Variants in NAALADL2 observed in about 807,000 individuals in gnomAD.
NAALADL2 encodes inactive N-acetylated-alpha-linked acidic dipeptidase-like protein 2.
In NAALADL2, 76 loss-of-function variants were observed where a neutral mutation model predicts 87.2. That is an observed-to-expected ratio of 0.87 (90% CI 0.72 to 1.05). The LOEUF (loss-of-function observed/expected upper bound fraction) is 1.05. Ranked by LOEUF, NAALADL2 falls within the 50% of genes least tolerant of loss-of-function variation. The probability of loss-of-function intolerance (pLI) is 0.00; values close to 1 mark genes in which losing one functional copy is unlikely to be tolerated. For synonymous variants in NAALADL2, 354 were observed against 331.0 expected, an observed-to-expected ratio of 1.07 and a Z score of -0.75; for missense variants, 1,089 against 945.8, an observed-to-expected ratio of 1.15 and a Z score of -1.99.
intron 2 of NAALADL2, among the ~76,000 whole-genome samples, chr3:175,108,475 T>C (rs1208145382): frequency 6.6e-6 from 1 of 151,994 alleles, no homozygotes; most frequent in African/African-American, 2.4e-5. Flanking sequence ...AAAATGAAAC[T>C]GATCATTTTT....
chr3:174,549,887 G>A (rs1296697312), intron 1 of NAALADL2, among the ~76,000 whole-genome samples: 1 of 151,488 alleles, frequency 6.6e-6, no homozygotes, highest in Non-Finnish European at 1.5e-5. Context: ...CATAACAGTG[G>A]TTTTTTGTTT....
intron 2 of NAALADL2, among the ~76,000 whole-genome samples, chr3:174,683,184 C>T (rs759246429): frequency 1.2e-4 from 19 of 152,038 alleles, no homozygotes; most frequent in Non-Finnish European, 2.1e-4. Flanking sequence ...AGCTTGAAGA[C>T]ACGCAATTTG....
At chr3:175,757,901 T>G (rs1747472897) in intron 13 of NAALADL2, among the ~76,000 whole-genome samples, 1 of 152,072 alleles carries the variant, frequency 6.6e-6, no homozygotes, top group Admixed American at 6.5e-5. Flanking sequence ...ATTTTGTAAA[T>G]TATTCTATTT....
intron 3 of NAALADL2, among the ~76,000 whole-genome samples, chr3:174,822,746 C>T (rs1721567842): frequency 6.6e-6 from 1 of 152,134 alleles, no homozygotes; most frequent in African/African-American, 2.4e-5. Context: ...TGTACTCAGA[C>T]AGATGTTCAA....
intron 9 of NAALADL2, among the ~76,000 whole-genome samples, chr3:175,486,792 G>A (rs1233171914): frequency 6.6e-6 from 1 of 151,858 alleles, no homozygotes; most frequent in African/African-American, 2.4e-5. Context: ...CAGTTGTTTA[G>A]GACAAAGACC....
chr3:174,839,757 A>G (rs544821866), intron 3 of NAALADL2, among the ~76,000 whole-genome samples: 1 of 152,192 alleles, frequency 6.6e-6, no homozygotes. Context: ...CTCTACATAC[A>G]CTAATTATCA....
chr3:174,728,098 A>G (rs1386132260), intron 2 of NAALADL2, among the ~76,000 whole-genome samples: 1 of 152,012 alleles, frequency 6.6e-6, no homozygotes, highest in Non-Finnish European at 1.5e-5. Context: ...TGGATGTACA[A>G]CCGTTTACTT....
chr3:174,845,744 G>T (rs1376605698), intron 3 of NAALADL2, among the ~76,000 whole-genome samples: 2 of 152,136 alleles, frequency 1.3e-5, no homozygotes, highest in African/African-American at 4.8e-5. Context: ...AGATCCACCT[G>T]TTTTTCTGGG....
chr3:174,738,701 CAT>C (rs956772195), intron 3 of NAALADL2, among the ~76,000 whole-genome samples: 72 of 152,152 alleles, frequency 4.7e-4, no homozygotes, highest in Non-Finnish European at 8.4e-4. Flanking sequence ...CCACTCGACA[CAT>C]GTCTATAGAA....
At chr3:175,523,850 G>A (rs939850652) in intron 9 of NAALADL2, among the ~76,000 whole-genome samples, 12 of 152,304 alleles carry the variant, frequency 7.9e-5, no homozygotes, top group African/African-American at 2.2e-4. Flanking sequence ...TTTGCTTTAT[G>A]AGGAAGTTAA....
intron 3 of NAALADL2, among the ~76,000 whole-genome samples, chr3:175,240,457 A>G (rs1263981457): frequency 1.3e-5 from 2 of 152,208 alleles, no homozygotes; most frequent in East Asian, 1.9e-4. Flanking sequence ...ATTTTCAAAC[A>G]AAAGCAAACT....
intron 2 of NAALADL2, among the ~76,000 whole-genome samples, chr3:175,121,081 C>G (rs1434021344): frequency 6.6e-6 from 1 of 151,726 alleles, no homozygotes; most frequent in African/African-American, 2.4e-5. Flanking sequence ...TAAAAATTAA[C>G]ATCTTCTAGT....
intron 1 of NAALADL2, among the ~76,000 whole-genome samples, chr3:174,473,337 C>T (rs115980782): frequency 1.4e-3 from 220 of 152,278 alleles, no homozygotes; most frequent in African/African-American, 5.1e-3. Flanking sequence ...TTAACTACAT[C>T]AACCCTACAA....
Position 174,800,997 on chromosome 3 carries a change from C to G in NAALADL2, c.-9+63251C>G, listed in dbSNP as rs1183143305. Among the ~76,000 whole-genome samples, 4 of 152,142 alleles carry G rather than the reference C, an allele frequency of 2.6e-5. No individual in the cohort carries two copies. The South Asian group carries it at 8.3e-4, about 32-fold the overall frequency. On this transcript the variant is annotated intron_variant, in intron 3 of 3. Coordinates refer to the NAALADL2 transcript ENST00000434257. ...TACCCCCATTGGATCTAGGAAGTAA[C>G]TAACTTGCTTTTGATTTTACAGAGT...
chr3:175,499,379 T>G (rs2149363824), intron 9 of NAALADL2, among the ~76,000 whole-genome samples: 2 of 152,248 alleles, frequency 1.3e-5, no homozygotes, highest in Middle Eastern at 6.8e-3. Context: ...AAGTCTAGCG[T>G]AAGAGTCTCT....
At chr3:174,489,799 A>G (rs1408865399) in intron 1 of NAALADL2, among the ~76,000 whole-genome samples, 2 of 152,084 alleles carry the variant, frequency 1.3e-5, no homozygotes, top group African/African-American at 4.8e-5. Flanking sequence ...GGTGGCAAAA[A>G]GTCAGATAAT....
intron 3 of NAALADL2, among the ~76,000 whole-genome samples, chr3:174,828,586 ACG>A (rs969053873): frequency 6.6e-6 from 1 of 152,174 alleles, no homozygotes; most frequent in Admixed American, 6.5e-5. Context: ...AAACAAAAAC[ACG>A]AGTAAGCCAA....
intron 2 of NAALADL2, among the ~76,000 whole-genome samples, chr3:174,551,999 T>A (rs1453160631): frequency 6.6e-6 from 1 of 152,220 alleles, no homozygotes; most frequent in African/African-American, 2.4e-5. Context: ...CTATGTAGAA[T>A]GAGAATAATA....
At chr3:175,246,720 G>C (rs762911148) in intron 3 of NAALADL2, among the ~76,000 whole-genome samples, 1 of 152,072 alleles carries the variant, frequency 6.6e-6, no homozygotes, top group Non-Finnish European at 1.5e-5. Context: ...TGTTGCTTCT[G>C]CTAAGAGTGG....
Sources: allele counts gnomAD v4.1 joint callset (sites outside exome capture counted in the v4.1 genomes callset), GRCh38; gene constraint gnomAD v4.1.1; transcripts MANE v1.5; gene names NCBI Gene and HGNC (gene_info 2026-07-23, HGNC 2026-07-21).